CHST9: variants seen among roughly 807,000 people sequenced by gnomAD.
The protein encoded by CHST9 is carbohydrate sulfotransferase 9, also known as GalNAc-4-sulfotransferase 2.
A neutral mutation model predicts 44.4 loss-of-function variants in CHST9; 41 were observed. The ratio of observed to expected loss-of-function variants is 0.92; its 90% CI spans 0.72 to 1.20. The LOEUF (loss-of-function observed/expected upper bound fraction) is 1.20, where lower values mean the gene tolerates loss of function less well. Among genes scored for constraint, CHST9 ranks in the 50% most tolerant of loss-of-function variants. The pLI is 0.00. For synonymous variants in CHST9, 171 were observed against 178.4 expected, an observed-to-expected ratio of 0.96 and a Z score of 0.33; for missense variants, 504 against 516.5, an observed-to-expected ratio of 0.98 and a Z score of 0.23.
intron 1 of CHST9, among the ~76,000 whole-genome samples, chr18:27,150,682 C>T (rs113832763): frequency 0.018 from 2,685 of 152,182 alleles, 66 homozygotes; most frequent in African/African-American, 0.059. Context: ...CTAGAATACC[C>T]AAATATAAAT....
intron 4 of CHST9, among the ~76,000 whole-genome samples, chr18:27,015,973 G>C (rs942942753): frequency 1.3e-5 from 2 of 152,068 alleles, no homozygotes; most frequent in African/African-American, 4.8e-5. Context: ...ACCTGATGTG[G>C]ATCCTAAATT....
chr18:27,079,176 GATT>G (rs1341122339), intron 2 of CHST9, among the ~76,000 whole-genome samples: 10 of 152,220 alleles, frequency 6.6e-5, no homozygotes, highest in Non-Finnish European at 1.2e-4. Flanking sequence ...TACTAAAAGG[GATT>G]ATGGACTTTC....
rs1189009858 is a variant in CHST9, at chr18:26,913,157, A to T, written c.*3102T>A. On this transcript the variant is annotated 3_prime_UTR_variant, in exon 6 of 6. Transcript: ENST00000618847. ...TTATATATACCTTCTGCTAAATACT[A>T]TACATTTTAGGAGATAAGAATAATA... The T allele has an allele frequency of 6.6e-6, 1 of 152,196 alleles. No individual in the cohort carries two copies. Among genetic ancestry groups the T allele is most frequent in the African/African-American group, 2.4e-5 (1 of 41,450 alleles). The allele number at this position is 152,196 out of a possible 1,614,324, so 9.4% of individuals were successfully genotyped here.
At chr18:26,929,362 A>T (rs975114821) in intron 5 of CHST9, among the ~76,000 whole-genome samples, 3 of 152,242 alleles carry the variant, frequency 2.0e-5, no homozygotes, top group Non-Finnish European at 2.9e-5. Context: ...TAGAGAATTA[A>T]CTAGATAAAT....
intron 2 of CHST9, among the ~76,000 whole-genome samples, chr18:27,088,269 C>T (rs28601618): frequency 0.01 from 1,588 of 152,212 alleles, 24 homozygotes; most frequent in African/African-American, 0.034. Flanking sequence ...CACAAAACTA[C>T]CAAGAAAAGT....
chr18:27,053,313 AAGG>A (rs1347121268), intron 2 of CHST9, among the ~76,000 whole-genome samples: 3 of 124,906 alleles, frequency 2.4e-5, no homozygotes, highest in African/African-American at 9.0e-5. Flanking sequence ...GGAGAAGGAG[AAGG>A]AGAAGGAGAA....
At chr18:27,084,816 C>T (rs1325268626) in intron 2 of CHST9, among the ~76,000 whole-genome samples, 1 of 151,946 alleles carries the variant, frequency 6.6e-6, no homozygotes, top group Admixed American at 6.6e-5. Flanking sequence ...CTTAACACTG[C>T]TTTAGCTGTG....
intron 2 of CHST9, among the ~76,000 whole-genome samples, chr18:27,103,803 C>T (rs980469970): frequency 2.0e-5 from 3 of 152,038 alleles, no homozygotes; most frequent in African/African-American, 2.4e-5. Context: ...TAATAACCAA[C>T]CACACAATTG....
intron 2 of CHST9, among the ~76,000 whole-genome samples, chr18:27,069,344 G>A (rs544810702): frequency 1.3e-5 from 2 of 152,138 alleles, no homozygotes; most frequent in East Asian, 1.9e-4. Flanking sequence ...GATCCCACCT[G>A]TGACATACTC....
intron 2 of CHST9, among the ~76,000 whole-genome samples, chr18:27,123,914 G>A (rs1345209584): frequency 9.2e-5 from 14 of 152,200 alleles, no homozygotes; most frequent in Admixed American, 9.2e-4. Context: ...TCTCCTCTCT[G>A]CAGTCCTTGG....
intron 2 of CHST9, among the ~76,000 whole-genome samples, chr18:27,139,420 ATATT>A (rs1238992029): frequency 6.6e-6 from 1 of 152,042 alleles, no homozygotes; most frequent in Non-Finnish European, 1.5e-5. Flanking sequence ...ACATATTCAT[ATATT>A]TATTTATTTA....
At chr18:27,165,114 T>C (rs1173647492) in intron 1 of CHST9, among the ~76,000 whole-genome samples, 1 of 152,066 alleles carries the variant, frequency 6.6e-6, no homozygotes, top group Admixed American at 6.5e-5. Flanking sequence ...GCATTTCAAA[T>C]TGGAGCAAAA....
intron 2 of CHST9, among the ~76,000 whole-genome samples, chr18:27,057,513 AG>A (rs2057671027): frequency 6.6e-6 from 1 of 152,350 alleles, no homozygotes; most frequent in South Asian, 2.1e-4. Flanking sequence ...GCCCTCCTGC[AG>A]GTTTAGATAA....
At chr18:27,088,407 CT>C (rs1279222442) in intron 2 of CHST9, among the ~76,000 whole-genome samples, 1 of 98,006 alleles carries the variant, frequency 1.0e-5, no homozygotes, top group Admixed American at 1.1e-4. Context: ...TTTTTTTTTG[CT>C]TTTTTGAGAT....
chr18:27,178,850 T>A (rs573474348), intron 1 of CHST9, among the ~76,000 whole-genome samples: 1 of 152,182 alleles, frequency 6.6e-6, no homozygotes, highest in South Asian at 2.1e-4. Flanking sequence ...TTTTGGGCTT[T>A]TACTATAAGC....
chr18:27,079,060 A>T (rs1033959510), intron 2 of CHST9, among the ~76,000 whole-genome samples: 3 of 152,154 alleles, frequency 2.0e-5, no homozygotes, highest in African/African-American at 7.2e-5. Context: ...CTCCATCATC[A>T]GCTTGTGGCA....
intron 2 of CHST9, among the ~76,000 whole-genome samples, chr18:27,057,314 C>T (rs187690552): frequency 6.6e-6 from 1 of 152,230 alleles, no homozygotes; most frequent in East Asian, 1.9e-4. Context: ...TTTAACTGGG[C>T]CAATTTGAAA....
At chr18:27,113,661 G>GA (rs2058294703) in intron 2 of CHST9, among the ~76,000 whole-genome samples, 1 of 152,150 alleles carries the variant, frequency 6.6e-6, no homozygotes, top group South Asian at 2.1e-4. Context: ...CTCTGAGCTA[G>GA]AAAACAGCTC....
At chr18:27,008,786 A>AAGCTCACAGGCTTACAGAATACTCACAG (rs2057048029) in intron 4 of CHST9, among the ~76,000 whole-genome samples, 1 of 151,886 alleles carries the variant, frequency 6.6e-6, no homozygotes, top group African/African-American at 2.4e-5. Context: ...TGGGCTCACA[A>AAGCTCACAGGCTTACAGAATACTCACAG]GAAGTATTCT....
Sources: allele counts gnomAD v4.1 joint callset (sites outside exome capture counted in the v4.1 genomes callset), GRCh38; gene constraint gnomAD v4.1.1; transcripts MANE v1.5; gene names NCBI Gene and HGNC (gene_info 2026-07-23, HGNC 2026-07-21).